Variants in L2HGDH observed in about 807,000 individuals in gnomAD.
L2HGDH encodes the protein L-2-hydroxyglutarate dehydrogenase.
L2HGDH carries 34 observed loss-of-function variants against 51.5 expected under a neutral mutation model. The observed-to-expected ratio is 0.66, with a 90% CI of 0.50 to 0.88. L2HGDH has a LOEUF of 0.88. L2HGDH is among the 40% of genes least tolerant of loss of function. The probability of loss-of-function intolerance (pLI) is 0.00; values close to 1 mark genes in which losing one functional copy is unlikely to be tolerated. For missense variants in L2HGDH, 558 were observed against 571.9 expected (o/e 0.98, Z 0.25); for synonymous variants, 198 against 197.9 (o/e 1.00, Z -0.01).
At chr14:50,290,183 C>T (rs1226453761) in intron 4 of L2HGDH, among the ~76,000 whole-genome samples, 1 of 152,020 alleles carries the variant, frequency 6.6e-6, no homozygotes, top group East Asian at 1.9e-4. Flanking sequence ...AGGAGAATGG[C>T]GTGAACCCAA....
At chr14:50,257,697 T>A (rs1888753574) in intron 9 of L2HGDH, among the ~76,000 whole-genome samples, 1 of 152,110 alleles carries the variant, frequency 6.6e-6, no homozygotes, top group Admixed American at 6.6e-5. Context: ...AAAACTATAT[T>A]TTTATTTCCA....
Position 50,245,950 on chromosome 14 carries a change from C to T in L2HGDH, c.*1108G>A, listed in dbSNP as rs1026392145. ...CAGCCTGGCCAACATGGCAAAACCC[C>T]GTCTCTACTAAAAATACAAAAAATT... On this transcript the variant is annotated 3_prime_UTR_variant, in exon 10 of 10. Transcript: ENST00000267436. 1.0e-3 allele frequency: 311 copies of T among 309,968 alleles called. 1 individual carries two copies. The highest frequency in any genetic ancestry group is 1.3e-3 in the Non-Finnish European group (277 of 212,410). The allele number at this position is 309,968 out of a possible 1,614,324, so 19.2% of individuals were successfully genotyped here.
intron 9 of L2HGDH, among the ~76,000 whole-genome samples, chr14:50,251,940 A>G (rs998046460): frequency 6.6e-6 from 1 of 152,110 alleles, no homozygotes; most frequent in Non-Finnish European, 1.5e-5. Flanking sequence ...AAACTTCCTG[A>G]TAACAGCAAG....
rs1887857505 is a variant in L2HGDH, at chr14:50,242,909, C to T, written c.*4149G>A. 2.0e-6 allele frequency: 2 copies of T among 985,358 alleles called. No individual in the cohort carries two copies. Among genetic ancestry groups the T allele is most frequent in the South Asian group, 9.4e-5 (2 of 21,294 alleles). The allele number at this position is 985,358 out of a possible 1,614,324, so 61.0% of individuals were successfully genotyped here. A position where few individuals can be genotyped will look rare whatever the true frequency, so the allele number is the denominator to read the frequency against. On this transcript the variant is annotated 3_prime_UTR_variant, in exon 10 of 10. Coordinates refer to ENST00000267436, the MANE Select transcript of L2HGDH (RefSeq NM_024884.3). Reference sequence around the variant, plus strand: ...TCCTTAAACAATATAGACACCATGTCTCCTGTGTTTACAGGGATAGCTCAT... The same window carrying T: ...TCCTTAAACAATATAGACACCATGTTTCCTGTGTTTACAGGGATAGCTCAT...
intron 4 of L2HGDH, among the ~76,000 whole-genome samples, chr14:50,293,678 G>C (rs1455222659): frequency 2.6e-5 from 4 of 152,176 alleles, no homozygotes; most frequent in African/African-American, 9.7e-5. Flanking sequence ...CTATCGTATA[G>C]ATCAGACACT....
chr14:50,271,288 C>CA (rs202085154), intron 6 of L2HGDH, among the ~76,000 whole-genome samples: 94 of 151,508 alleles, frequency 6.2e-4, no homozygotes, highest in Middle Eastern at 3.4e-3. Flanking sequence ...GTTCTTGGAA[C>CA]AAAAAAAATG....
At chr14:50,253,299 C>A (rs1888470349) in intron 9 of L2HGDH, among the ~76,000 whole-genome samples, 1 of 151,936 alleles carries the variant, frequency 6.6e-6, no homozygotes, top group Non-Finnish European at 1.5e-5. Flanking sequence ...AAGGGATTAA[C>A]AACTAGAATA....
intron 3 of L2HGDH, among the ~76,000 whole-genome samples, chr14:50,297,901 G>C (rs916372390): frequency 1.3e-5 from 2 of 151,228 alleles, no homozygotes; most frequent in African/African-American, 4.9e-5. Flanking sequence ...AGGAGTTTGA[G>C]ACCAACTTGA....
At position 50,244,568 on chromosome 14, in the gene L2HGDH, C is replaced by T. The variant is rs1685863709; in HGVS notation, c.*2490G>A. On this transcript the variant is annotated 3_prime_UTR_variant, in exon 10 of 10. Transcript: ENST00000267436. ...GCAGGAATCAGCTGTTATAAAGAAACATTAGGGCTTGTTTCTTCTGTCATT... is the reference window on the plus strand; with the variant it reads ...GCAGGAATCAGCTGTTATAAAGAAATATTAGGGCTTGTTTCTTCTGTCATT... The T allele has an allele frequency of 4.1e-6, 4 of 985,268 alleles. No homozygotes were observed. In the South Asian group the frequency reaches 1.9e-4, roughly 46 times the overall value. 61.0% of individuals were successfully genotyped at this position (985,268 alleles called of 1,614,324 possible). A position where few individuals can be genotyped will look rare whatever the true frequency, so the allele number is the denominator to read the frequency against.
At chr14:50,267,193 A>AT (rs1240289196) in intron 8 of L2HGDH, among the ~76,000 whole-genome samples, 3 of 138,250 alleles carry the variant, frequency 2.2e-5, no homozygotes, top group Admixed American at 2.1e-4. Context: ...TTATTTATTC[A>AT]TTTTTTGAGA....
chr14:50,260,326 T>C (rs1054924468), intron 9 of L2HGDH, among the ~76,000 whole-genome samples: 4 of 152,228 alleles, frequency 2.6e-5, no homozygotes, highest in Non-Finnish European at 5.9e-5. Flanking sequence ...AGACCCAAGA[T>C]TTCTTTTTCA....
chr14:50,300,893 T>C lies in L2HGDH; in HGVS notation c.408+1124A>G, dbSNP rs143245131. The stretch of plus-strand genomic sequence containing the variant: ...AGGCTGAAGTGCAGTGGCATAATCA[T>C]GGATCACTGCAGCCTTGATCTCCCA... On this transcript the variant is annotated intron_variant, in intron 3 of 9. Coordinates refer to ENST00000267436, the MANE Select transcript of L2HGDH (RefSeq NM_024884.3). Among the ~76,000 whole-genome samples the C allele has an allele frequency of 4.1e-3, 626 of 152,206 alleles. 3 individuals are homozygous for C. The highest frequency in any genetic ancestry group is 0.014 in the African/African-American group (594 of 41,540).
At chr14:50,281,872 G>A (rs565468189) in intron 5 of L2HGDH, among the ~76,000 whole-genome samples, 3 of 152,102 alleles carry the variant, frequency 2.0e-5, no homozygotes, top group Admixed American at 6.5e-5. Flanking sequence ...ACGGAGTCTC[G>A]CTCTGTCACC....
rs1284985966 is a variant in L2HGDH, at chr14:50,244,897, A to G, written c.*2161T>C. The G allele has an allele frequency of 2.0e-5, 20 of 985,394 alleles. No homozygotes were observed. Among genetic ancestry groups the G allele is most frequent in the Non-Finnish European group, 2.4e-5 (20 of 829,946 alleles). The allele number at this position is 985,394 out of a possible 1,614,324, so 61.0% of individuals were successfully genotyped here. A position where few individuals can be genotyped will look rare whatever the true frequency, so the allele number is the denominator to read the frequency against. On this transcript the variant is annotated 3_prime_UTR_variant, in exon 10 of 10. Transcript: ENST00000267436. ...TGAATCCTGAGAGAGCAAATCAGAGAGAATGGATGAAAATGCCTCACCTAA... is the reference window on the plus strand; with the variant it reads ...TGAATCCTGAGAGAGCAAATCAGAGGGAATGGATGAAAATGCCTCACCTAA...
intron 6 of L2HGDH, among the ~76,000 whole-genome samples, chr14:50,273,285 A>G (rs1889800223): frequency 6.6e-6 from 1 of 152,170 alleles, no homozygotes; most frequent in Non-Finnish European, 1.5e-5. Flanking sequence ...TGCCCTGTGG[A>G]TGTTAGTTAG....
intron 6 of L2HGDH, among the ~76,000 whole-genome samples, chr14:50,273,236 G>A (rs1395045646): frequency 1.3e-5 from 2 of 152,122 alleles, no homozygotes; most frequent in Non-Finnish European, 2.9e-5. Context: ...AGAAATCTTG[G>A]CCAAGGACAA....
At chr14:50,264,911 T>C (rs541352151) in intron 9 of L2HGDH, among the ~76,000 whole-genome samples, 2 of 152,058 alleles carry the variant, frequency 1.3e-5, no homozygotes, top group Admixed American at 1.3e-4. Flanking sequence ...AATCAAAATA[T>C]AATGTTTTAA....
chr14:50,291,025 C>T (rs1164975738), intron 4 of L2HGDH, among the ~76,000 whole-genome samples: 1 of 151,548 alleles, frequency 6.6e-6, no homozygotes, highest in African/African-American at 2.4e-5. Context: ...TGGTGAAACC[C>T]TGTTTCTACT....
intron 6 of L2HGDH, among the ~76,000 whole-genome samples, chr14:50,277,029 G>A (rs186635840): frequency 1.3e-5 from 2 of 152,262 alleles, no homozygotes; most frequent in Admixed American, 1.3e-4. Flanking sequence ...ATTGCCAAAT[G>A]TTCCCCGAGG....
Sources: gnomAD v4.1 joint callset for allele counts (sites outside exome capture counted in the v4.1 genomes callset) on GRCh38, gnomAD v4.1.1 for gene constraint, MANE v1.5 for transcripts, NCBI Gene and HGNC (gene_info 2026-07-23, HGNC 2026-07-21) for gene names.